Variants in FAM222B observed in about 807,000 individuals in gnomAD.
FAM222B encodes family with sequence similarity 222 member B.
FAM222B carries 12 observed loss-of-function variants against 38.0 expected under a neutral mutation model. That is an observed-to-expected ratio of 0.32 (90% CI 0.20 to 0.51). FAM222B has a LOEUF of 0.51. FAM222B is among the 20% of genes least tolerant of loss of function. The pLI is 0.97. For missense variants in FAM222B, 716 were observed against 754.2 expected (o/e 0.95, Z 0.59); for synonymous variants, 329 against 317.2 (o/e 1.04, Z -0.40).
chr17:28,828,947 G>A (rs1002047057), intron 1 of FAM222B, among the ~76,000 whole-genome samples: 2 of 151,328 alleles, frequency 1.3e-5, no homozygotes, highest in South Asian at 2.1e-4. Flanking sequence ...CTCTATCACC[G>A]GGCTGAAGTG....
intron 2 of FAM222B, 55 bp downstream of exon 2, chr17:28,766,531 A>G: frequency 6.8e-7 from 1 of 1,470,574 alleles, no homozygotes; most frequent in Non-Finnish European, 9.3e-7. Context: ...GACGGCCCAA[A>G]TGTAGAGACA....
intron 1 of FAM222B, among the ~76,000 whole-genome samples, chr17:28,781,603 T>C (rs1016380823): frequency 2.0e-5 from 3 of 152,198 alleles, no homozygotes; most frequent in Admixed American, 6.6e-5. Context: ...TGCAGCATTA[T>C]TCACAACAGC....
intron 1 of FAM222B, among the ~76,000 whole-genome samples, chr17:28,783,613 A>G (rs2036257191): frequency 6.6e-6 from 1 of 151,774 alleles, no homozygotes; most frequent in Non-Finnish European, 1.5e-5. Flanking sequence ...CCCAGGTTCA[A>G]GGGATTCTCC....
At chr17:28,835,833 G>A (rs899899807) in intron 1 of FAM222B, among the ~76,000 whole-genome samples, 8 of 151,268 alleles carry the variant, frequency 5.3e-5, no homozygotes, top group African/African-American at 2.0e-4. Flanking sequence ...CACCACACCC[G>A]GCTCATTTTT....
At chr17:28,843,867 C>A (rs2039117659), upstream of FAM222B, among the ~76,000 whole-genome samples, 2 of 152,136 alleles carry the variant, frequency 1.3e-5, no homozygotes, top group African/African-American at 2.4e-5. Flanking sequence ...TCCTGGGGAC[C>A]TTGTCAAGGA....
chr17:28,842,055 T>C (rs2039056630), intron 1 of FAM222B, among the ~76,000 whole-genome samples: 1 of 152,222 alleles, frequency 6.6e-6, no homozygotes, highest in South Asian at 2.1e-4. Flanking sequence ...ATTCACAATT[T>C]GCATAAACAA....
chr17:28,824,369 A>T (rs2038365618), intron 1 of FAM222B, among the ~76,000 whole-genome samples: 1 of 151,434 alleles, frequency 6.6e-6, no homozygotes, highest in South Asian at 2.1e-4. Flanking sequence ...ATTTTTTTGT[A>T]GACACAGGGT....
upstream of FAM222B, among the ~76,000 whole-genome samples, chr17:28,843,139 T>G (rs536215648): frequency 3.7e-5 from 3 of 80,632 alleles, no homozygotes; most frequent in Non-Finnish European, 7.2e-5. Flanking sequence ...AATTTGGGTC[T>G]TTTTTTTTTT....
intron 1 of FAM222B, among the ~76,000 whole-genome samples, chr17:28,793,126 G>C (rs1218849812): frequency 6.6e-6 from 1 of 152,012 alleles, no homozygotes; most frequent in Non-Finnish European, 1.5e-5. Flanking sequence ...TGTAGAGACA[G>C]GGTCTTACTA....
At chr17:28,826,437 T>A (rs931318144) in intron 1 of FAM222B, among the ~76,000 whole-genome samples, 1 of 151,696 alleles carries the variant, frequency 6.6e-6, no homozygotes, top group Non-Finnish European at 1.5e-5. Context: ...TCCCAACACT[T>A]TGGGAGGCCG....
At chr17:28,770,159 G>C (rs1003393021) in intron 1 of FAM222B, among the ~76,000 whole-genome samples, 2 of 151,908 alleles carry the variant, frequency 1.3e-5, no homozygotes, top group East Asian at 3.9e-4. Context: ...ACCCCACTAG[G>C]ATATAAACTC....
At position 28,759,979 on chromosome 17, in the gene FAM222B, G is replaced by C. The variant is rs1378720833; in HGVS notation, c.83-103C>G. On this transcript the variant is annotated intron_variant, in intron 2 of 2. Coordinates refer to ENST00000581407, the MANE Select transcript of FAM222B (RefSeq NM_001077498.3). This position sits in a 1 kb window ranked among gnomAD's most constrained non-coding sequence, Gnocchi z 4.8. Reference sequence around the variant, plus strand: ...TCCCCTTTTGAGGGCCTGGGGTGGGGTGGGGAAATGACTAGATTGTCATCT... The same window carrying C: ...TCCCCTTTTGAGGGCCTGGGGTGGGCTGGGGAAATGACTAGATTGTCATCT... The C allele has an allele frequency of 6.9e-6, 8 of 1,161,402 alleles. No homozygotes were observed. The Admixed American group carries it at 2.3e-4, about 34-fold the overall frequency. The allele number at this position is 1,161,402 out of a possible 1,614,324, so 71.9% of individuals were successfully genotyped here.
At chr17:28,787,025 C>T (rs957576968) in intron 1 of FAM222B, among the ~76,000 whole-genome samples, 1 of 151,532 alleles carries the variant, frequency 6.6e-6, no homozygotes, top group Admixed American at 6.6e-5. Flanking sequence ...CCTGGGTTCA[C>T]GCCATTCTCC....
chr17:28,841,643 G>C (rs1192261743), intron 1 of FAM222B, among the ~76,000 whole-genome samples: 1 of 152,274 alleles, frequency 6.6e-6, no homozygotes, highest in South Asian at 2.1e-4. Context: ...CAAAGTGCTG[G>C]GATTACAGAC....
chr17:28,821,086 G>A (rs933721044), intron 1 of FAM222B, among the ~76,000 whole-genome samples: 2 of 151,608 alleles, frequency 1.3e-5, no homozygotes, highest in African/African-American at 4.8e-5. Flanking sequence ...CTCCCAAGTA[G>A]CTGGGACTAC....
Position 28,802,013 on chromosome 17 carries a change from AAAAAAAAG to A in FAM222B, c.-40-35314_-40-35307del, listed in dbSNP as rs950777133. Among the ~76,000 whole-genome samples, 15 of 151,736 alleles carry A rather than the reference AAAAAAAAG, an allele frequency of 9.9e-5. No individual in the cohort carries two copies. The East Asian group carries it at 1.5e-3, about 16-fold the overall frequency. On this transcript the variant is annotated intron_variant, in intron 1 of 2. Coordinates refer to ENST00000581407, the MANE Select transcript of FAM222B (RefSeq NM_001077498.3). ...AAAAACACTTTGCTGAATGCAAAAA[AAAAAAAAG>A]AAAAAAAGAAAAAGAAAAAAAGTGA...
intron 1 of FAM222B, among the ~76,000 whole-genome samples, chr17:28,815,493 C>G (rs948842316): frequency 6.6e-6 from 1 of 151,350 alleles, no homozygotes; most frequent in Non-Finnish European, 1.5e-5. Context: ...GGATTACAGG[C>G]GTGAGCCACC....
At chr17:28,846,142 G>C (rs907051834), upstream of FAM222B, among the ~76,000 whole-genome samples, 27 of 149,940 alleles carry the variant, frequency 1.8e-4, no homozygotes, top group African/African-American at 4.4e-4. Context: ...GGTGGAGGTT[G>C]CAGTGAGCCG....
At position 28,780,074 on chromosome 17, in the gene FAM222B, C is replaced by T. The variant is rs563376166; in HGVS notation, c.-40-13367G>A. On this transcript the variant is annotated intron_variant, in intron 1 of 2. Coordinates refer to ENST00000581407, the MANE Select transcript of FAM222B (RefSeq NM_001077498.3). ...CAACCTCTGCCTCCCGGGGTTCAAG[C>T]GATTCTCCTTCGTCAGCCTCCTGGG... Among the ~76,000 whole-genome samples the T allele has an allele frequency of 1.6e-4, 25 of 151,716 alleles. 1 individual carries two copies. Among genetic ancestry groups the T allele is most frequent in the South Asian group, 4.2e-4 (2 of 4,808 alleles).
Sources: allele counts gnomAD v4.1 joint callset (sites outside exome capture counted in the v4.1 genomes callset), GRCh38; gene constraint gnomAD v4.1.1; non-coding constraint Gnocchi (gnomAD v3.1); transcripts MANE v1.5; gene names NCBI Gene and HGNC (gene_info 2026-07-23, HGNC 2026-07-21).